MTF2: variants seen among roughly 807,000 people sequenced by gnomAD.
MTF2 encodes metal-response element-binding transcription factor 2.
In MTF2, 11 loss-of-function variants were observed where a neutral mutation model predicts 79.5. The ratio of observed to expected loss-of-function variants is 0.14; its 90% CI spans 0.09 to 0.23. MTF2 has a LOEUF of 0.23. Among genes scored for constraint, MTF2 ranks in the 10% least tolerant of loss-of-function variants. The pLI is 1.00. For missense variants in MTF2, 486 were observed against 711.2 expected (o/e 0.68, Z 3.60); for synonymous variants, 208 against 232.8 (o/e 0.89, Z 0.97).
intron 3 of MTF2, among the ~76,000 whole-genome samples, chr1:93,114,003 G>A (rs972472872): frequency 6.6e-6 from 1 of 150,474 alleles, no homozygotes; most frequent in East Asian, 1.9e-4. Flanking sequence ...AATTTTGTGT[G>A]ATTTTTTTTT....
chr1:93,108,367 C>T (rs1167075230), intron 1 of MTF2, among the ~76,000 whole-genome samples: 1 of 152,118 alleles, frequency 6.6e-6, no homozygotes, highest in African/African-American at 2.4e-5. Flanking sequence ...GATGTCTCTG[C>T]TAATAACAAA....
At chr1:93,126,126 A>T (rs1022500743) in intron 9 of MTF2, among the ~76,000 whole-genome samples, 5 of 150,080 alleles carry the variant, frequency 3.3e-5, no homozygotes, top group African/African-American at 1.2e-4. Flanking sequence ...GGTTTGATAT[A>T]GGGGAATGAG....
intron 11 of MTF2, among the ~76,000 whole-genome samples, chr1:93,129,818 G>A (rs1656846744): frequency 6.6e-6 from 1 of 152,208 alleles, no homozygotes; most frequent in South Asian, 2.1e-4. Context: ...TTATCTAAGT[G>A]CTAGGCAGTA....
chr1:93,125,810 A>C (rs1656673758), intron 9 of MTF2, among the ~76,000 whole-genome samples: 1 of 152,084 alleles, frequency 6.6e-6, no homozygotes, highest in Non-Finnish European at 1.5e-5. Context: ...AATTAGACAT[A>C]ATAATTGCAT....
chr1:93,133,575 TATTTACTTTTTATTACC>T, intron 11 of MTF2, 111 bp from the exon 12 acceptor site: 1 of 376,500 alleles, frequency 2.7e-6, no homozygotes, highest in Non-Finnish European at 4.5e-6. Flanking sequence ...ATTCAACTAA[TATTTACTTTTTATTACC>T]ATTAATATAA....
chr1:93,132,884 T>C (rs1411155349), intron 11 of MTF2, among the ~76,000 whole-genome samples: 2 of 152,194 alleles, frequency 1.3e-5, no homozygotes, highest in Non-Finnish European at 2.9e-5. Flanking sequence ...TATTGTGAAC[T>C]CTTTAGCACA....
chr1:93,113,015 T>C (rs1268896407), intron 3 of MTF2, among the ~76,000 whole-genome samples: 1 of 152,126 alleles, frequency 6.6e-6, no homozygotes, highest in Non-Finnish European at 1.5e-5. Flanking sequence ...TTCCCAGGCT[T>C]AATCTGGTTG....
chr1:93,112,273 A>G (rs2101060033), intron 3 of MTF2, among the ~76,000 whole-genome samples: 1 of 152,334 alleles, frequency 6.6e-6, no homozygotes, highest in African/African-American at 2.4e-5. Flanking sequence ...GCGTTATGGC[A>G]TATTTCAGTG....
Position 93,119,394 on chromosome 1 carries a change from T to C in MTF2, c.790T>C (p.Leu264=), listed in dbSNP as rs1434955107. Residue 264 remains leucine, a synonymous_variant, in exon 8 of 15, where the codon TTA becomes CTA. Transcript: ENST00000370298. ...SGPEYLKRLP[L]QWVDIAHLCL... is the part of the protein sequence containing the mutation. ...ACCAGAATACCTCAAACGTCTACCA[T>C]TACAGTGGTAAGTGTGGACCTTTCT... 5.0e-6 allele frequency: 8 copies of C among 1,601,296 alleles called. No individual in the cohort carries two copies. Among genetic ancestry groups the C allele is most frequent in the Non-Finnish European group, 6.8e-6 (8 of 1,172,798 alleles).
intron 1 of MTF2, among the ~76,000 whole-genome samples, chr1:93,104,763 A>G (rs901141120): frequency 7.2e-5 from 11 of 152,094 alleles, no homozygotes; most frequent in Non-Finnish European, 1.5e-4. Flanking sequence ...CCTTAAATAT[A>G]GGCGTTTCTT....
At chr1:93,125,672 G>A (rs1414712146) in intron 9 of MTF2, among the ~76,000 whole-genome samples, 1 of 151,960 alleles carries the variant, frequency 6.6e-6, no homozygotes, top group Non-Finnish European at 1.5e-5. Flanking sequence ...CAATTTGATA[G>A]CAGTTCATCT....
intron 1 of MTF2, among the ~76,000 whole-genome samples, chr1:93,092,093 A>G (rs1056289403): frequency 6.6e-6 from 1 of 151,852 alleles, no homozygotes; most frequent in Non-Finnish European, 1.5e-5. Context: ...GTTTTCTCTT[A>G]TTATATATGT....
In MTF2 at chr1:93,137,892, T is replaced by G. The variant is rs1647464652; in HGVS notation, c.*865T>G. ...GCTTTTCACTTTTAGTCCTTGTAAC[T>G]CAGCTGTTCAGTACCTAAAACAAAT... On this transcript the variant is annotated 3_prime_UTR_variant, in exon 15 of 15. Coordinates refer to ENST00000370298, the MANE Select transcript of MTF2 (RefSeq NM_007358.4). 1 of 152,218 alleles carries G rather than the reference T, an allele frequency of 6.6e-6. No individual in the cohort carries two copies. Among genetic ancestry groups the G allele is most frequent in the African/African-American group, 2.4e-5 (1 of 41,464 alleles). The allele number at this position is 152,218 out of a possible 1,614,324, so 9.4% of individuals were successfully genotyped here. A position where few individuals can be genotyped will look rare whatever the true frequency, so the allele number is the denominator to read the frequency against.
At chr1:93,127,436 A>G (rs1027315199) in intron 10 of MTF2, 137 bp downstream of exon 10, 22 of 567,116 alleles carry the variant, frequency 3.9e-5, no homozygotes, top group African/African-American at 3.0e-4. Context: ...GTCCTATTCT[A>G]TTTTAGTTAG....
At chr1:93,087,379 G>A (rs575547643) in intron 1 of MTF2, among the ~76,000 whole-genome samples, 19 of 152,180 alleles carry the variant, frequency 1.2e-4, no homozygotes, top group Non-Finnish European at 2.5e-4. Flanking sequence ...CAAAACCAGC[G>A]TGACCAACAC....
intron 3 of MTF2, among the ~76,000 whole-genome samples, chr1:93,111,544 G>C (rs1227795350): frequency 6.6e-6 from 1 of 152,094 alleles, no homozygotes; most frequent in Non-Finnish European, 1.5e-5. Context: ...AATAAAAAAA[G>C]TTTTGGTAAA....
intron 1 of MTF2, among the ~76,000 whole-genome samples, chr1:93,089,676 C>A: frequency 6.6e-6 from 1 of 152,076 alleles, no homozygotes; most frequent in South Asian, 2.1e-4. Flanking sequence ...CTTCAGCCTC[C>A]CAGGTAGTTG....
Position 93,114,741 on chromosome 1 carries a change from G to A in MTF2, c.340G>A (p.Glu114Lys). The A allele has an allele frequency of 6.2e-7, 1 of 1,612,926 alleles. No individual in the cohort carries two copies. Among genetic ancestry groups the A allele is most frequent in the South Asian group, 1.1e-5 (1 of 90,750 alleles). Residue 114 changes from glutamate (E) to lysine (K), a missense_variant, in exon 4 of 15, where the codon GAA becomes AAA. Physicochemically the swap from Glu to Lys is moderately conservative, Grantham distance 56 (BLOSUM62 1). Coordinates refer to ENST00000370298, the MANE Select transcript of MTF2 (RefSeq NM_007358.4). ...VCTICQEEYS[E>K]APNEMVICDK... is the part of the protein sequence containing the mutation. Reference sequence around the variant, plus strand: ...TACAATATGTCAAGAAGAGTATTCAGAAGCTCCCAATGAAATGGTTATATG... The same window carrying A: ...TACAATATGTCAAGAAGAGTATTCAAAAGCTCCCAATGAAATGGTTATATG...
intron 6 of MTF2, among the ~76,000 whole-genome samples, chr1:93,117,820 A>C (rs1656310185): frequency 6.6e-6 from 1 of 152,058 alleles, no homozygotes; most frequent in Admixed American, 6.6e-5. Flanking sequence ...TGGGCCCAGG[A>C]ATTGGAGACC....
Sources: gnomAD v4.1 joint callset for allele counts (sites outside exome capture counted in the v4.1 genomes callset) on GRCh38, gnomAD v4.1.1 for gene constraint, MANE v1.5 for transcripts, NCBI Gene and HGNC (gene_info 2026-07-23, HGNC 2026-07-21) for gene names.